ELMO1: variants seen among roughly 807,000 people sequenced by gnomAD.
ELMO1 encodes the protein engulfment and cell motility protein 1.
Under a neutral mutation model 98.9 loss-of-function variants are expected in ELMO1, and 26 were observed. The observed-to-expected ratio is 0.26, with a 90% confidence interval of 0.19 to 0.36. The LOEUF is 0.36. ELMO1 is among the 10% of genes least tolerant of loss of function. The pLI is 1.00. For missense variants in ELMO1, 627 were observed against 935.2 expected (o/e 0.67, Z 4.30); for synonymous variants, 346 against 346.0 (o/e 1.00, Z 0.00).
intron 16 of ELMO1, among the ~76,000 whole-genome samples, chr7:37,008,134 C>T (rs903905111): frequency 6.6e-6 from 1 of 152,208 alleles, no homozygotes; most frequent in African/African-American, 2.4e-5. Flanking sequence ...ATCATCTGAT[C>T]TTGGCTTATA....
At chr7:37,238,226 CTCATT>C (rs1794581677) in intron 7 of ELMO1, among the ~76,000 whole-genome samples, 1 of 152,188 alleles carries the variant, frequency 6.6e-6, no homozygotes, top group Admixed American at 6.5e-5. Flanking sequence ...TTTATTTCCC[CTCATT>C]TATTTATTTT....
intron 1 of ELMO1, among the ~76,000 whole-genome samples, chr7:37,416,366 A>C (rs1020268653): frequency 6.6e-6 from 1 of 152,252 alleles, no homozygotes; most frequent in Non-Finnish European, 1.5e-5. Context: ...AATATGGTTT[A>C]GAATCTCAGG....
intron 16 of ELMO1, among the ~76,000 whole-genome samples, chr7:36,969,211 T>C (rs1789706501): frequency 6.6e-6 from 1 of 152,036 alleles, no homozygotes; most frequent in Admixed American, 6.6e-5. Context: ...ACAGTTACCA[T>C]GTAAAGACAT....
chr7:37,208,529 G>C (rs1287920717), intron 13 of ELMO1, among the ~76,000 whole-genome samples: 2 of 152,190 alleles, frequency 1.3e-5, no homozygotes, highest in East Asian at 1.9e-4. Context: ...GAGTTTAACA[G>C]GCAAGATGAT....
At chr7:36,864,008 C>T (rs1422710134) in intron 20 of ELMO1, among the ~76,000 whole-genome samples, 1 of 152,122 alleles carries the variant, frequency 6.6e-6, no homozygotes, top group Non-Finnish European at 1.5e-5. Flanking sequence ...TCTGAACAAC[C>T]AGTCAGGATA....
At chr7:37,082,418 T>C (rs1797913716) in intron 15 of ELMO1, among the ~76,000 whole-genome samples, 2 of 152,170 alleles carry the variant, frequency 1.3e-5, no homozygotes, top group African/African-American at 2.4e-5. Flanking sequence ...AAAGCATATT[T>C]CACAGCCAGG....
chr7:36,953,839 TTG>T (rs10522376), intron 16 of ELMO1, among the ~76,000 whole-genome samples: 8,273 of 135,466 alleles, frequency 0.061, 193 homozygotes, highest in Non-Finnish European at 0.078. Context: ...TGGGTATGTT[TTG>T]TGTGTGTGTG....
chr7:37,255,960 A>G (rs1270407857), intron 6 of ELMO1, among the ~76,000 whole-genome samples: 1 of 152,164 alleles, frequency 6.6e-6, no homozygotes, highest in African/African-American at 2.4e-5. Flanking sequence ...GTGATGAGTG[A>G]AGGTGTTTAT....
chr7:37,404,329 T>G (rs139151201), intron 1 of ELMO1, among the ~76,000 whole-genome samples: 57 of 152,228 alleles, frequency 3.7e-4, no homozygotes, highest in Non-Finnish European at 6.6e-4. Context: ...GCACACTGCA[T>G]GCTGTCTCAT....
At chr7:37,066,447 C>G (rs1364156955) in intron 15 of ELMO1, among the ~76,000 whole-genome samples, 2 of 152,160 alleles carry the variant, frequency 1.3e-5, no homozygotes, top group East Asian at 3.9e-4. Flanking sequence ...CTGGCTGTGG[C>G]CACTGGGTTG....
chr7:37,158,994 T>G (rs1424448790), intron 13 of ELMO1, among the ~76,000 whole-genome samples: 2 of 152,216 alleles, frequency 1.3e-5, no homozygotes, highest in Non-Finnish European at 2.9e-5. Flanking sequence ...TGAGTTCATG[T>G]GCTTTGCAGG....
intron 13 of ELMO1, among the ~76,000 whole-genome samples, chr7:37,158,045 G>T (rs1563042949): frequency 6.6e-6 from 1 of 152,168 alleles, no homozygotes; most frequent in Non-Finnish European, 1.5e-5. Flanking sequence ...ACAAAAACAA[G>T]AAATAGGGAA....
In ELMO1 at chr7:37,356,987, G is replaced by GC. The variant is rs200972805; in HGVS notation, c.-73-14225dup. On this transcript the variant is annotated intron_variant, in intron 1 of 21. Coordinates refer to ENST00000310758, the MANE Select transcript of ELMO1 (RefSeq NM_014800.11). ...AAGACCCTCTTTCCAGAGGAGTCCTGCCCTATATCCAGGAGGAAGACATGC... is the reference window on the plus strand; with the variant it reads ...AAGACCCTCTTTCCAGAGGAGTCCTGCCCCTATATCCAGGAGGAAGACATGC... Among the ~76,000 whole-genome samples, 1,517 of 152,204 alleles carry GC rather than the reference G, an allele frequency of 1.0e-2. 31 individuals are homozygous for GC. The highest frequency in any genetic ancestry group is 0.035 in the African/African-American group (1,455 of 41,504).
intron 4 of ELMO1, among the ~76,000 whole-genome samples, chr7:37,276,103 T>G (rs1208757105): frequency 6.6e-6 from 1 of 152,212 alleles, no homozygotes; most frequent in East Asian, 1.9e-4. Flanking sequence ...GCAAGTGGCA[T>G]GGCTGTCCTC....
chr7:37,103,437 C>T (rs1223191129), intron 14 of ELMO1, among the ~76,000 whole-genome samples: 3 of 146,250 alleles, frequency 2.1e-5, no homozygotes, highest in African/African-American at 7.6e-5. Flanking sequence ...CCAAACACTG[C>T]ATGTTCTCAC....
intron 1 of ELMO1, among the ~76,000 whole-genome samples, chr7:37,419,978 T>G (rs1235215267): frequency 2.0e-5 from 3 of 152,234 alleles, no homozygotes; most frequent in African/African-American, 7.2e-5. Context: ...CATTTGTAAT[T>G]GCTGCAATAT....
chr7:36,886,221 A>G (rs1437514588), intron 18 of ELMO1, among the ~76,000 whole-genome samples: 2 of 152,076 alleles, frequency 1.3e-5, no homozygotes, highest in Non-Finnish European at 2.9e-5. Flanking sequence ...CTCAGCCCTT[A>G]TTACTCTGCC....
chr7:37,011,164 C>G (rs1221072371), intron 16 of ELMO1, among the ~76,000 whole-genome samples: 2 of 152,210 alleles, frequency 1.3e-5, no homozygotes, highest in Non-Finnish European at 2.9e-5. Context: ...TTAGGTCTTG[C>G]TGAAGAGATT....
intron 14 of ELMO1, among the ~76,000 whole-genome samples, chr7:37,124,582 C>G (rs138478157): frequency 6.6e-6 from 1 of 152,038 alleles, no homozygotes; most frequent in Admixed American, 6.6e-5. Context: ...TTACAAGGGA[C>G]GTGAAGGACC....
Sources: allele counts gnomAD v4.1 joint callset (sites outside exome capture counted in the v4.1 genomes callset), GRCh38; gene constraint gnomAD v4.1.1; transcripts MANE v1.5; gene names NCBI Gene and HGNC (gene_info 2026-07-23, HGNC 2026-07-21).